Variants in SNAP47 observed in about 807,000 individuals in gnomAD.
SNAP47 encodes synaptosomal-associated protein 47.
A neutral mutation model predicts 31.4 loss-of-function variants in SNAP47; 20 were observed. The ratio of observed to expected loss-of-function variants is 0.64; its 90% CI spans 0.45 to 0.93. The LOEUF (loss-of-function observed/expected upper bound fraction) is 0.93, where lower values mean the gene tolerates loss of function less well. Among genes scored for constraint, SNAP47 ranks in the 40% least tolerant of loss-of-function variants. The pLI is 0.00. For synonymous variants in SNAP47, 194 were observed against 213.4 expected (o/e 0.91, Z 0.79); for missense variants, 492 against 528.5 (o/e 0.93, Z 0.68).
At chr1:227,730,740 T>C (rs961554068), upstream of SNAP47, 3 of 152,202 alleles carry the variant, frequency 2.0e-5, no homozygotes, top group Non-Finnish European at 2.9e-5. Context: ...GCAGCCTGGA[T>C]GGTAATGGGC....
In SNAP47 at chr1:227,747,916, T is replaced by G; in HGVS notation, c.180T>G (p.Ala60=). The G allele has an allele frequency of 1.2e-6, 2 of 1,614,168 alleles. No individual in the cohort carries two copies. Among genetic ancestry groups the G allele is most frequent in the Non-Finnish European group, 1.7e-6 (2 of 1,180,030 alleles). Residue 60 remains alanine, a synonymous_variant, in exon 2 of 5, where the codon GCT becomes GCG. Coordinates refer to ENST00000617596, the MANE Select transcript of SNAP47 (RefSeq NM_053052.4). ...GCATAGTTGAGATCAAGAAGGAGGC[T>G]TCACATTTTATCTTCAGCTCCATCA... ...LSSIVEIKKE[A]SHFIFSSITI...
rs999262124 is a variant in SNAP47, at chr1:227,780,998, T to G, written c.*325T>G. 2 of 332,172 alleles carry G rather than the reference T, an allele frequency of 6.0e-6. No individual in the cohort carries two copies. The highest frequency in any genetic ancestry group is 1.1e-5 in the Non-Finnish European group (2 of 178,558). The allele number at this position is 332,172 out of a possible 1,614,324, so 20.6% of individuals were successfully genotyped here. A position where few individuals can be genotyped will look rare whatever the true frequency, so the allele number is the denominator to read the frequency against. On this transcript the variant is annotated 3_prime_UTR_variant, in exon 5 of 5. Transcript: ENST00000617596. ...CTCGTCTTGTCTCGGCTCCCTTTCA[T>G]GGACAGACTGGCCTTCTTAGCTGTA...
upstream of SNAP47, chr1:227,735,248 G>A: frequency 6.2e-7 from 1 of 1,601,864 alleles, no homozygotes; most frequent in Non-Finnish European, 8.5e-7. Flanking sequence ...GTGGCTGTCG[G>A]CGAGGGCGCG....
At chr1:227,776,115 C>T in intron 4 of SNAP47, 1 of 1,167,752 alleles carries the variant, frequency 8.6e-7, no homozygotes, top group Non-Finnish European at 1.1e-6. Context: ...CAGGGCTGCT[C>T]CCCTTCCTGG....
At chr1:227,780,174 T>C (rs986529734) in intron 4 of SNAP47, among the ~76,000 whole-genome samples, 18 of 152,126 alleles carry the variant, frequency 1.2e-4, no homozygotes, top group African/African-American at 4.3e-4. Context: ...GCTGCCCCAC[T>C]GTGGGCAGGA....
In SNAP47 at chr1:227,748,070, G is replaced by T; in HGVS notation, c.334G>T (p.Ala112Ser). The T allele has an allele frequency of 6.2e-7, 1 of 1,614,158 alleles. No individual in the cohort carries two copies. The highest frequency in any genetic ancestry group is 1.1e-5 in the South Asian group (1 of 91,074). The change falls in exon 2 of 5, where the codon GCA (alanine) becomes TCA (serine). Residue 112 changes from alanine to serine, a missense_variant. Coordinates refer to ENST00000617596, the MANE Select transcript of SNAP47 (RefSeq NM_053052.4). ...GTCTCAGCCTGGAGCCGTGGCAGAC[G>T]CATCTGTCCCAAGGACCCGGGGCGA... Reference protein sequence around the residue: ...LLSQPGAVADASVPRTRGEEL... With the variant: ...LLSQPGAVADSSVPRTRGEEL...
At chr1:227,734,927 G>C, upstream of SNAP47, 3 of 1,523,778 alleles carry the variant, frequency 2.0e-6, no homozygotes, top group African/African-American at 1.4e-5. Context: ...CACCCTCCCT[G>C]GTGCCCCTCT....
At chr1:227,733,792 G>T, upstream of SNAP47, 1 of 1,583,968 alleles carries the variant, frequency 6.3e-7, no homozygotes, top group Admixed American at 1.8e-5. Context: ...GGTCTCAAGG[G>T]ATGGCACCCA....
chr1:227,767,350 C>T (rs1442911735), intron 4 of SNAP47, among the ~76,000 whole-genome samples: 1 of 152,240 alleles, frequency 6.6e-6, no homozygotes, highest in African/African-American at 2.4e-5. Flanking sequence ...CTACCACCTG[C>T]ACCCATTGTA....
chr1:227,759,761 A>T, intron 3 of SNAP47: 1 of 474,494 alleles, frequency 2.1e-6, no homozygotes, highest in South Asian at 2.4e-5. Flanking sequence ...GATACAGTTT[A>T]TCCTCACCAA....
intron 2 of SNAP47, 49 bp downstream of exon 2, chr1:227,748,282 C>T (rs1421212879): frequency 6.8e-7 from 1 of 1,478,520 alleles, no homozygotes; most frequent in African/African-American, 1.4e-5. Context: ...GTAAGATGCA[C>T]ATGTGTGGAG....
intron 2 of SNAP47, among the ~76,000 whole-genome samples, chr1:227,758,684 C>G (rs1315077532): frequency 6.6e-6 from 1 of 152,174 alleles, no homozygotes. Flanking sequence ...CATTTTGAAT[C>G]AAGATGACCC....
At chr1:227,773,064 G>A (rs1350568643) in intron 4 of SNAP47, among the ~76,000 whole-genome samples, 1 of 151,458 alleles carries the variant, frequency 6.6e-6, no homozygotes, top group Non-Finnish European at 1.5e-5. Context: ...AGGCTCAGGT[G>A]ATTCTCCCAC....
At position 227,759,314 on chromosome 1, in the gene SNAP47, A is replaced by T; in HGVS notation, c.817A>T (p.Ile273Phe). ...PYEISIRQRF[I>F]GKPDMAYRLI... ...CGAAATTAGCATCCGCCAGCGGTTTATTGGAAAGCCAGACATGGCCTATCG... is the reference window on the plus strand; with the variant it reads ...CGAAATTAGCATCCGCCAGCGGTTTTTTGGAAAGCCAGACATGGCCTATCG... Residue 273 changes from isoleucine (I) to phenylalanine (F), a missense_variant, in exon 3 of 5, where the codon ATT (isoleucine) becomes TTT (phenylalanine). Transcript: ENST00000617596. 1 of 1,614,240 alleles carries T rather than the reference A, an allele frequency of 6.2e-7. No individual in the cohort carries two copies. The highest frequency in any genetic ancestry group is 2.2e-5 in the East Asian group (1 of 44,884).
At chr1:227,777,542 G>A (rs995485052) in intron 4 of SNAP47, among the ~76,000 whole-genome samples, 1 of 152,206 alleles carries the variant, frequency 6.6e-6, no homozygotes, top group Non-Finnish European at 1.5e-5. Context: ...TAACCTTCAT[G>A]GCGGCTTGCT....
chr1:227,734,389 A>C, upstream of SNAP47: 2 of 320,758 alleles, frequency 6.2e-6, no homozygotes, highest in Non-Finnish European at 1.1e-5. Flanking sequence ...CCGGGAGTGG[A>C]GACGCCTTCC....
chr1:227,762,174 A>G lies in SNAP47; in HGVS notation c.988+2689A>G, dbSNP rs535452675. ...CACAGGGACCTGCTGCATGTGTGAG[A>G]TGGACTGTTGCTCCTGTGGGGGACT... On this transcript the variant is annotated intron_variant, in intron 3 of 4. Coordinates refer to ENST00000617596, the MANE Select transcript of SNAP47 (RefSeq NM_053052.4). This position sits in a 1 kb window ranked among gnomAD's most constrained non-coding sequence, Gnocchi z 4.2. 6.6e-6 allele frequency among the ~76,000 whole-genome samples: 1 copy of G among 152,184 alleles called. No homozygotes were observed. The highest frequency in any genetic ancestry group is 2.4e-5 in the African/African-American group (1 of 41,444).
At chr1:227,740,906 G>A (rs1480222361) in intron 1 of SNAP47, among the ~76,000 whole-genome samples, 1 of 150,792 alleles carries the variant, frequency 6.6e-6, no homozygotes, top group Non-Finnish European at 1.5e-5. Flanking sequence ...TGAAGGAGGG[G>A]CTGTGAAGTT....
At chr1:227,764,101 C>G (rs998712836) in intron 3 of SNAP47, among the ~76,000 whole-genome samples, 2 of 152,184 alleles carry the variant, frequency 1.3e-5, no homozygotes, top group Admixed American at 1.3e-4. Flanking sequence ...GTCGAGTCAC[C>G]CCACCCTTCT....
Sources: gnomAD v4.1 joint callset for allele counts (sites outside exome capture counted in the v4.1 genomes callset) on GRCh38, gnomAD v4.1.1 for gene constraint, Gnocchi (gnomAD v3.1) non-coding constraint, MANE v1.5 for transcripts, NCBI Gene and HGNC (gene_info 2026-07-23, HGNC 2026-07-21) for gene names.